Variants in NHSL1 observed in about 807,000 individuals in gnomAD.
The protein encoded by NHSL1 is NHS-like protein 1.
A neutral mutation model predicts 95.0 loss-of-function variants in NHSL1; 48 were observed. That is an observed-to-expected ratio of 0.51 (90% confidence interval 0.40 to 0.64). The LOEUF is 0.64. NHSL1 is among the 30% of genes least tolerant of loss of function. NHSL1 has a pLI of 0.00. For synonymous variants in NHSL1, 783 were observed against 833.9 expected (o/e 0.94, Z 1.05); for missense variants, 1,971 against 2,077.7 (o/e 0.95, Z 1.00).
In NHSL1 at chr6:138,433,616, T is replaced by G; in HGVS notation, c.729A>C (p.Thr243=). The stretch of plus-strand genomic sequence containing the variant: ...ACCGACAGCTATTGAACCTTCCTAG[T>G]GTAGAGTAGTGATCAGGGGTGTACA... ...HSVYTPDHYS[T]LGRFNSCRSA... is the part of the protein sequence containing the mutation. The change falls in exon 6 of 8, where the codon ACA becomes ACC. Residue 243 remains threonine, a synonymous_variant. Coordinates refer to ENST00000343505, the MANE Select transcript of NHSL1 (RefSeq NM_001144060.2). 1.9e-6 allele frequency: 3 copies of G among 1,552,078 alleles called. No individual in the cohort carries two copies. Among genetic ancestry groups the G allele is most frequent in the Non-Finnish European group, 2.6e-6 (3 of 1,147,058 alleles).
intron 1 of NHSL1, among the ~76,000 whole-genome samples, chr6:138,615,653 G>C (rs1297874435): frequency 6.6e-6 from 1 of 152,218 alleles, no homozygotes; most frequent in Non-Finnish European, 1.5e-5. Flanking sequence ...TGTATTCTTA[G>C]TAGAGACGGG....
chr6:138,623,767 GTAACCTCCATAATCCCAA>G lies in NHSL1; in HGVS notation c.96+68691_96+68708del, dbSNP rs555525868. ...TCCCCACCCAAAATCATCTTGAATTGTAACCTCCATAATCCCAATAACCTCCATGTCTCAAGGGTAGGA... is the reference window on the plus strand; with the variant it reads ...TCCCCACCCAAAATCATCTTGAATTGTAACCTCCATGTCTCAAGGGTAGGA... On this transcript the variant is annotated intron_variant, in intron 1 of 3. Coordinates refer to the NHSL1 transcript ENST00000491526. 4.3e-3 allele frequency among the ~76,000 whole-genome samples: 652 copies of G among 152,254 alleles called. 4 individuals carry two copies. The highest frequency in any genetic ancestry group is 0.015 in the African/African-American group (608 of 41,532).
chr6:138,583,049 C>T (rs1438913885), intron 1 of NHSL1, among the ~76,000 whole-genome samples: 1 of 152,190 alleles, frequency 6.6e-6, no homozygotes, highest in Non-Finnish European at 1.5e-5. Context: ...CAAGGTGGCT[C>T]TCCCCGTGTG....
intron 7 of NHSL1, among the ~76,000 whole-genome samples, chr6:138,429,004 G>C (rs768079657): frequency 6.6e-6 from 1 of 152,194 alleles, no homozygotes; most frequent in Non-Finnish European, 1.5e-5. Flanking sequence ...AATCAGAAAA[G>C]TGATGCAGTA....
In NHSL1 at chr6:138,532,707, G is replaced by A. The variant is rs1166189948; in HGVS notation, c.16+12916C>T. ...TCAGAGTAGTTAGGTGGCTTATTCT[G>A]AGTCAATAAATGTGAGACTTGGGAT... On this transcript the variant is annotated intron_variant, in intron 1 of 4. Coordinates refer to the NHSL1 transcript ENST00000342260. Among the ~76,000 whole-genome samples the A allele has an allele frequency of 5.9e-5, 9 of 152,152 alleles. No homozygotes were observed. In the East Asian group the frequency reaches 1.7e-3, roughly 29 times the overall value.
chr6:138,595,496 T>C (rs114452669), intron 1 of NHSL1, among the ~76,000 whole-genome samples: 1,779 of 152,284 alleles, frequency 0.012, 27 homozygotes, highest in African/African-American at 0.041. Flanking sequence ...GGATCACTTG[T>C]GCCCCGGGAG....
rs369075722 is a variant in NHSL1 at position 138,445,599 on chromosome 6, T to C, written c.532+1402A>G. On this transcript the variant is annotated intron_variant, in intron 4 of 7. Transcript: ENST00000343505. ...ACTTATTTATTAAATTTCTATGGAA[T>C]TTAAAATATGAGTTCTAAATGTAAT... is the stretch of plus-strand genomic sequence containing the variant. Among the ~76,000 whole-genome samples the C allele has an allele frequency of 1.8e-4, 27 of 152,298 alleles. No individual in the cohort carries two copies. In the East Asian group the frequency reaches 4.8e-3, roughly 27 times the overall value.
chr6:138,650,724 A>T, intron 1 of NHSL1: 1 of 547,226 alleles, frequency 1.8e-6, no homozygotes, highest in Admixed American at 1.9e-5. Context: ...CACGCACTGC[A>T]TCATTATCCC....
chr6:138,484,508 C>A (rs923461445), intron 2 of NHSL1, among the ~76,000 whole-genome samples: 7 of 152,074 alleles, frequency 4.6e-5, no homozygotes, highest in African/African-American at 1.7e-4. Flanking sequence ...GGAAAATACA[C>A]TACTAATTGT....
chr6:138,516,954 A>G (rs1781486459), intron 1 of NHSL1, among the ~76,000 whole-genome samples: 1 of 152,196 alleles, frequency 6.6e-6, no homozygotes, highest in Admixed American at 6.6e-5. Context: ...GTTTCCATGC[A>G]AAATAGTCTT....
chr6:138,444,045 C>G (rs1416473383), intron 4 of NHSL1, among the ~76,000 whole-genome samples: 1 of 152,154 alleles, frequency 6.6e-6, no homozygotes, highest in Non-Finnish European at 1.5e-5. Context: ...AGGGTACAGA[C>G]TGTGATGCAT....
upstream of NHSL1, among the ~76,000 whole-genome samples, chr6:138,501,778 G>T (rs1243744361): frequency 6.6e-6 from 1 of 152,074 alleles, no homozygotes; most frequent in African/African-American, 2.4e-5. Flanking sequence ...AAAAATCCTT[G>T]GATGCTCCAG....
chr6:138,487,490 C>T (rs1019695634), intron 2 of NHSL1, among the ~76,000 whole-genome samples: 14 of 152,224 alleles, frequency 9.2e-5, no homozygotes, highest in Non-Finnish European at 2.1e-4. Context: ...TGCACTTAGA[C>T]AATTTTTCCG....
intron 5 of NHSL1, among the ~76,000 whole-genome samples, chr6:138,441,057 C>T (rs190756546): frequency 1.3e-5 from 2 of 152,282 alleles, no homozygotes; most frequent in Admixed American, 1.3e-4. Context: ...GTACCAAGGG[C>T]CTCACATGCA....
chr6:138,604,950 T>C (rs1270689627), intron 1 of NHSL1, among the ~76,000 whole-genome samples: 1 of 152,182 alleles, frequency 6.6e-6, no homozygotes, highest in Non-Finnish European at 1.5e-5. Context: ...CATGACAAAT[T>C]GTTTCAAATT....
intron 1 of NHSL1, among the ~76,000 whole-genome samples, chr6:138,556,221 TC>T (rs1323797642): frequency 1.3e-5 from 2 of 152,156 alleles, no homozygotes; most frequent in East Asian, 3.9e-4. Flanking sequence ...CTTTGAGTTT[TC>T]ATTTCATTAG....
intron 1 of NHSL1, among the ~76,000 whole-genome samples, chr6:138,625,462 C>A (rs1053012128): frequency 3.3e-5 from 5 of 151,972 alleles, no homozygotes; most frequent in Non-Finnish European, 5.9e-5. Context: ...GCTTTTCCAG[C>A]GTTTAGGTCT....
At chr6:138,568,436 T>C (rs1337738674) in intron 1 of NHSL1, among the ~76,000 whole-genome samples, 4 of 152,220 alleles carry the variant, frequency 2.6e-5, no homozygotes, top group Non-Finnish European at 5.9e-5. Flanking sequence ...TACCACTGCA[T>C]TCCACTTTTT....
chr6:138,516,916 C>T (rs9495105), intron 1 of NHSL1, among the ~76,000 whole-genome samples: 1,839 of 151,976 alleles, frequency 0.012, 33 homozygotes, highest in African/African-American at 0.042. Context: ...ATTACAGGCG[C>T]GAGCCACTGC....
Sources: gnomAD v4.1 joint callset for allele counts (sites outside exome capture counted in the v4.1 genomes callset) on GRCh38, gnomAD v4.1.1 for gene constraint, MANE v1.5 for transcripts, NCBI Gene and HGNC (gene_info 2026-07-23, HGNC 2026-07-21) for gene names.